Variants in GALNT13 observed in about 807,000 individuals in gnomAD.
The protein encoded by GALNT13 is UDP-GalNAc:polypeptide N-acetylgalactosaminyltransferase 13.
GALNT13 carries 28 observed loss-of-function variants against 64.2 expected under a neutral mutation model. That is an observed-to-expected ratio of 0.44 (90% CI 0.32 to 0.60). The LOEUF (loss-of-function observed/expected upper bound fraction) is 0.60. Among genes scored for constraint, GALNT13 ranks in the 20% least tolerant of loss-of-function variants. The pLI, the probability that GALNT13 is intolerant of heterozygous loss-of-function variation, is 0.05. For synonymous variants in GALNT13, 214 were observed against 224.6 expected (o/e 0.95, Z 0.42); for missense variants, 577 against 669.8 (o/e 0.86, Z 1.53).
At chr2:154,256,729 G>A (rs73965413) in intron 7 of GALNT13, among the ~76,000 whole-genome samples, 2,208 of 152,198 alleles carry the variant, frequency 0.015, 57 homozygotes, top group African/African-American at 0.049. Flanking sequence ...TGTTAACTCA[G>A]TTCATCTTTC....
intron 3 of GALNT13, among the ~76,000 whole-genome samples, chr2:154,036,592 T>A (rs1317513000): frequency 6.6e-6 from 1 of 152,256 alleles, no homozygotes; most frequent in East Asian, 1.9e-4. Context: ...AATATGTGTG[T>A]ACCTGTGTGT....
chr2:153,856,913 G>T, the GALNT13 span, among the ~76,000 whole-genome samples: 4 of 152,226 alleles, frequency 2.6e-5, no homozygotes, highest in South Asian at 8.3e-4. Flanking sequence ...AACTGTATGG[G>T]ATAGTATACT....
chr2:154,211,834 G>A (rs1205363049), intron 4 of GALNT13, among the ~76,000 whole-genome samples: 4 of 149,692 alleles, frequency 2.7e-5, no homozygotes, highest in Admixed American at 6.7e-5. Flanking sequence ...GTATGAAAGT[G>A]GAAAACAGAA....
chr2:153,452,435 A>G, the GALNT13 span, among the ~76,000 whole-genome samples: 1 of 151,926 alleles, frequency 6.6e-6, no homozygotes, highest in Admixed American at 6.6e-5. Flanking sequence ...CTGAGATTGC[A>G]CCACTGCACT....
At chr2:154,435,304 A>C (rs1700908273) in intron 11 of GALNT13, among the ~76,000 whole-genome samples, 2 of 152,216 alleles carry the variant, frequency 1.3e-5, no homozygotes, top group South Asian at 4.1e-4. Flanking sequence ...TATATGTGAT[A>C]GTTTAAGGTA....
chr2:153,618,672 A>G, the GALNT13 span, among the ~76,000 whole-genome samples: 1 of 151,864 alleles, frequency 6.6e-6, no homozygotes, highest in Non-Finnish European at 1.5e-5. Context: ...AGCTCTAATG[A>G]TATGTCCTTT....
In GALNT13 at chr2:154,197,371, C is replaced by A. The variant is rs559670758; in HGVS notation, c.312-44659C>A. 3.9e-5 allele frequency among the ~76,000 whole-genome samples: 6 copies of A among 151,998 alleles called. 1 individual carries two copies. In the South Asian group the frequency reaches 1.2e-3, roughly 32 times the overall value. On this transcript the variant is annotated intron_variant, in intron 4 of 12. Transcript: ENST00000392825. ...AATATGTTTCTCCAAACAAAGAAGC[C>A]CAAAGAAGCCTAGGGCAATGACCAC...
chr2:153,300,031 T>G, the GALNT13 span, among the ~76,000 whole-genome samples: 78 of 152,266 alleles, frequency 5.1e-4, no homozygotes, highest in African/African-American at 1.7e-3. Flanking sequence ...ATTCCACAGC[T>G]GTTCTAGAGC....
At chr2:153,721,448 T>C in the GALNT13 span, among the ~76,000 whole-genome samples, 1 of 147,542 alleles carries the variant, frequency 6.8e-6, no homozygotes, top group African/African-American at 2.6e-5. Context: ...CAGGATCAAA[T>C]TCACACATAA....
chr2:153,073,024 T>C, the GALNT13 span, among the ~76,000 whole-genome samples: 10 of 152,236 alleles, frequency 6.6e-5, no homozygotes, highest in Non-Finnish European at 5.9e-5. Context: ...CTAGCACTTA[T>C]ATTCGAGGCA....
chr2:154,180,883 A>G (rs1685924672), intron 4 of GALNT13, among the ~76,000 whole-genome samples: 1 of 152,194 alleles, frequency 6.6e-6, no homozygotes, highest in Non-Finnish European at 1.5e-5. Context: ...TGACCCTTGA[A>G]CAACATGAGT....
chr2:154,025,466 T>G (rs1186616145), intron 3 of GALNT13, among the ~76,000 whole-genome samples: 1 of 152,190 alleles, frequency 6.6e-6, no homozygotes, highest in African/African-American at 2.4e-5. Flanking sequence ...ACACATTCAT[T>G]CTTTATGGAC....
upstream of GALNT13, among the ~76,000 whole-genome samples, chr2:153,867,010 A>G (rs542597787): frequency 6.6e-6 from 1 of 152,356 alleles, no homozygotes; most frequent in South Asian, 2.1e-4. Flanking sequence ...AATCTATTCA[A>G]CATAATGATA....
the GALNT13 span, among the ~76,000 whole-genome samples, chr2:153,084,164 A>T: frequency 6.6e-6 from 1 of 152,046 alleles, no homozygotes; most frequent in Admixed American, 6.6e-5. Context: ...TTGAAGTTGG[A>T]TAATGTGATA....
At chr2:153,221,324 A>T in the GALNT13 span, among the ~76,000 whole-genome samples, 1 of 152,220 alleles carries the variant, frequency 6.6e-6, no homozygotes, top group Non-Finnish European at 1.5e-5. Context: ...CGATGTTGTC[A>T]GTATGGTTTA....
chr2:153,686,797 T>G, the GALNT13 span, among the ~76,000 whole-genome samples: 1 of 152,040 alleles, frequency 6.6e-6, no homozygotes, highest in Admixed American at 6.6e-5. Flanking sequence ...TGGTTCATAT[T>G]ATGTTGACTA....
chr2:153,876,775 T>C (rs1341162335), intron 1 of GALNT13, among the ~76,000 whole-genome samples: 25 of 152,208 alleles, frequency 1.6e-4, no homozygotes, highest in Admixed American at 1.6e-3. Flanking sequence ...GTTTTTAGTA[T>C]GTCTTTAGAC....
chr2:153,502,056 A>AT, the GALNT13 span, among the ~76,000 whole-genome samples: 1 of 152,136 alleles, frequency 6.6e-6, no homozygotes, highest in Non-Finnish European at 1.5e-5. Context: ...AAAATTATTT[A>AT]TTTTTTGTGA....
the GALNT13 span, among the ~76,000 whole-genome samples, chr2:153,220,064 A>C: frequency 6.6e-6 from 1 of 152,180 alleles, no homozygotes; most frequent in Admixed American, 6.5e-5. Context: ...TCAGCTTTTG[A>C]TGATCAAACT....
Sources: allele counts gnomAD v4.1 joint callset (sites outside exome capture counted in the v4.1 genomes callset), GRCh38; gene constraint gnomAD v4.1.1; transcripts MANE v1.5; gene names NCBI Gene and HGNC (gene_info 2026-07-23, HGNC 2026-07-21).